RBM19: variants seen among roughly 807,000 people sequenced by gnomAD.
RBM19 encodes probable RNA-binding protein 19.
Under a neutral mutation model 116.8 loss-of-function variants are expected in RBM19, and 94 were observed. The ratio of observed to expected loss-of-function variants is 0.80; its 90% CI spans 0.68 to 0.95. The LOEUF (loss-of-function observed/expected upper bound fraction) is 0.95, where lower values mean the gene tolerates loss of function less well. RBM19 is among the 40% of genes least tolerant of loss of function. The pLI is 0.00. For missense variants in RBM19, 1,161 were observed against 1,220.7 expected (o/e 0.95, Z 0.73); for synonymous variants, 475 against 494.1 (o/e 0.96, Z 0.51).
At chr12:113,857,449 C>A (rs1877995677) in intron 22 of RBM19, among the ~76,000 whole-genome samples, 1 of 152,246 alleles carries the variant, frequency 6.6e-6, no homozygotes, top group South Asian at 2.1e-4. Context: ...GTGGGTTGAA[C>A]TGCCGTGGGT....
intron 23 of RBM19, 137 bp from the exon 24 acceptor site, chr12:113,823,458 G>A: frequency 5.7e-6 from 4 of 696,498 alleles, no homozygotes; most frequent in East Asian, 5.5e-5. Flanking sequence ...GAACAGAAGC[G>A]AGAGAATGCA....
At chr12:113,919,053 C>T (rs1309405686) in intron 19 of RBM19, among the ~76,000 whole-genome samples, 1 of 152,086 alleles carries the variant, frequency 6.6e-6, no homozygotes, top group Non-Finnish European at 1.5e-5. Context: ...TCTTATATCG[C>T]GTGAAAGAGA....
intron 22 of RBM19, among the ~76,000 whole-genome samples, chr12:113,847,659 T>C (rs1487476838): frequency 1.3e-5 from 2 of 152,094 alleles, no homozygotes; most frequent in Admixed American, 1.3e-4. Flanking sequence ...TGGTGAATGC[T>C]AGGCTGGAAC....
At chr12:113,867,582 T>C (rs74237687) in intron 21 of RBM19, among the ~76,000 whole-genome samples, 10,082 of 152,312 alleles carry the variant, frequency 0.066, 656 homozygotes, top group East Asian at 0.34. Context: ...ATAATATGCA[T>C]ATGTACTGCT....
At chr12:113,862,900 A>G (rs947066254) in intron 21 of RBM19, among the ~76,000 whole-genome samples, 1 of 151,992 alleles carries the variant, frequency 6.6e-6, no homozygotes, top group African/African-American at 2.4e-5. Context: ...CTCACACCTC[A>G]CTTTTCCAAT....
intron 16 of RBM19, among the ~76,000 whole-genome samples, chr12:113,928,625 A>ATG (rs57242923): frequency 0.02 from 2,383 of 120,408 alleles, 42 homozygotes; most frequent in Middle Eastern, 0.028. Flanking sequence ...TTAGCAAGGG[A>ATG]TGTGTGTGTG....
chr12:113,939,822 A>T, intron 15 of RBM19, 138 bp downstream of exon 15: 1 of 846,484 alleles, frequency 1.2e-6, no homozygotes, highest in Non-Finnish European at 1.8e-6. Flanking sequence ...GATGATATTC[A>T]GCCATGATCG....
intron 18 of RBM19, among the ~76,000 whole-genome samples, chr12:113,922,695 C>A (rs1005434653): frequency 2.6e-5 from 4 of 151,910 alleles, no homozygotes; most frequent in African/African-American, 9.7e-5. Context: ...TTCCTTGCAC[C>A]CAAAACTATA....
At chr12:113,906,674 G>A (rs1882066612) in intron 21 of RBM19, among the ~76,000 whole-genome samples, 1 of 151,950 alleles carries the variant, frequency 6.6e-6, no homozygotes, top group Non-Finnish European at 1.5e-5. Context: ...ACTGTCTCTG[G>A]ATCTGCACGT....
At chr12:113,921,402 A>G (rs1868546101) in intron 18 of RBM19, among the ~76,000 whole-genome samples, 1 of 152,040 alleles carries the variant, frequency 6.6e-6, no homozygotes. Flanking sequence ...CCTTCCACCC[A>G]CACCCCAGCA....
chr12:113,900,941 C>T (rs964109175), intron 21 of RBM19, among the ~76,000 whole-genome samples: 1 of 152,174 alleles, frequency 6.6e-6, no homozygotes, highest in African/African-American at 2.4e-5. Flanking sequence ...TAGGGCAGGG[C>T]ATGTTCTGAG....
chr12:113,889,836 T>C (rs1296248374), intron 21 of RBM19, among the ~76,000 whole-genome samples: 1 of 151,856 alleles, frequency 6.6e-6, no homozygotes, highest in Non-Finnish European at 1.5e-5. Flanking sequence ...TAGAGGAGTC[T>C]TCGAGGAAGA....
downstream of RBM19, among the ~76,000 whole-genome samples, chr12:113,820,465 G>A (rs1874340369): frequency 6.6e-6 from 1 of 152,134 alleles, no homozygotes; most frequent in African/African-American, 2.4e-5. Context: ...GGCCGGGACA[G>A]CGAGTGCAGG....
intron 21 of RBM19, among the ~76,000 whole-genome samples, chr12:113,869,026 T>A (rs547197268): frequency 1.1e-4 from 16 of 152,314 alleles, no homozygotes; most frequent in Non-Finnish European, 2.2e-4. Context: ...GTTCCTGGCA[T>A]GTATCAGGAA....
chr12:113,930,985 A>C (rs1425065801), intron 16 of RBM19, among the ~76,000 whole-genome samples: 2 of 152,096 alleles, frequency 1.3e-5, no homozygotes, highest in African/African-American at 4.8e-5. Flanking sequence ...CTCCCCTAAT[A>C]CCAAAAATAC....
rs781718566 is a variant in RBM19, at chr12:113,966,261, G to A, written c.-34C>T. 2 of 1,613,650 alleles carry A rather than the reference G, an allele frequency of 1.2e-6. No individual in the cohort carries two copies. Among genetic ancestry groups the A allele is most frequent in the Non-Finnish European group, 1.7e-6 (2 of 1,179,916 alleles). The stretch of plus-strand genomic sequence containing the variant: ...GTCCCCGCTGTTTTGATTCCAACAC[G>A]ACTGGTCAGCGTCTTCCACCAAGTT... On this transcript the variant is annotated 5_prime_UTR_variant, in exon 1 of 24. Transcript: ENST00000261741.
chr12:113,937,952 AG>A lies in RBM19; in HGVS notation c.1939-817del, dbSNP rs1348303260. ...AGCCTTGCAAATCAGTTATTTTCAG[AG>A]AAATACACATGCTTCAGAGTGAAAC... On this transcript the variant is annotated intron_variant, in intron 15 of 23. Transcript: ENST00000261741. Among the ~76,000 whole-genome samples the A allele has an allele frequency of 2.0e-5, 3 of 152,306 alleles. No individual in the cohort carries two copies. In the East Asian group the frequency reaches 5.8e-4, roughly 29 times the overall value.
intron 21 of RBM19, among the ~76,000 whole-genome samples, chr12:113,895,860 C>G (rs1292448039): frequency 2.0e-5 from 3 of 149,642 alleles, no homozygotes; most frequent in African/African-American, 7.3e-5. Flanking sequence ...TATACTATAG[C>G]TATATATAGG....
chr12:113,870,878 C>T (rs144181198), intron 21 of RBM19, among the ~76,000 whole-genome samples: 72 of 152,280 alleles, frequency 4.7e-4, no homozygotes, highest in African/African-American at 1.7e-3. Context: ...GTGCTGACCT[C>T]TCTGAGAAGC....
Sources: allele counts gnomAD v4.1 joint callset (sites outside exome capture counted in the v4.1 genomes callset), GRCh38; gene constraint gnomAD v4.1.1; transcripts MANE v1.5; gene names NCBI Gene and HGNC (gene_info 2026-07-23, HGNC 2026-07-21).